The following PLXDC2 variants were observed in gnomAD, a reference collection of about 807,000 sequenced individuals.
The protein encoded by PLXDC2 is plexin domain-containing protein 2.
A neutral mutation model predicts 68.9 loss-of-function variants in PLXDC2; 40 were observed. The ratio of observed to expected loss-of-function variants is 0.58; its 90% confidence interval spans 0.45 to 0.76. The LOEUF (loss-of-function observed/expected upper bound fraction) is 0.76, where lower values mean the gene tolerates loss of function less well. Among genes scored for constraint, PLXDC2 ranks in the 30% least tolerant of loss-of-function variants. The pLI is 0.00. For missense variants in PLXDC2, 644 were observed against 661.9 expected (o/e 0.97, Z 0.30); for synonymous variants, 243 against 234.2 (o/e 1.04, Z -0.34).
intron 1 of PLXDC2, among the ~76,000 whole-genome samples, chr10:19,959,091 G>C (rs1213839517): frequency 6.6e-6 from 1 of 152,130 alleles, no homozygotes; most frequent in Non-Finnish European, 1.5e-5. Context: ...GCTAAATTTG[G>C]ACTGTCATTT....
chr10:19,994,292 C>A (rs1589575377), intron 1 of PLXDC2, among the ~76,000 whole-genome samples: 2 of 86,084 alleles, frequency 2.3e-5, no homozygotes, highest in African/African-American at 4.0e-5. Context: ...TTTTCTCTGA[C>A]TACTTGGAAA....
chr10:19,842,682 G>A (rs754291652), intron 1 of PLXDC2, among the ~76,000 whole-genome samples: 3 of 152,114 alleles, frequency 2.0e-5, no homozygotes, highest in African/African-American at 4.8e-5. Flanking sequence ...TATCTTGCTC[G>A]GAGAAGGTGA....
intron 13 of PLXDC2, among the ~76,000 whole-genome samples, chr10:20,252,903 G>T (rs907883921): frequency 2.6e-5 from 4 of 151,942 alleles, no homozygotes; most frequent in East Asian, 3.9e-4. Flanking sequence ...TTTTTTGATC[G>T]CTTGAGCTCA....
rs530223198 is a variant in PLXDC2 at position 20,030,447 on chromosome 10, A to T, written c.325-16422A>T. Among the ~76,000 whole-genome samples, 15 of 152,310 alleles carry T rather than the reference A, an allele frequency of 9.8e-5. No individual in the cohort carries two copies. In the South Asian group the frequency reaches 3.1e-3, roughly 32 times the overall value. On this transcript the variant is annotated intron_variant, in intron 2 of 13. Coordinates refer to ENST00000377252, the MANE Select transcript of PLXDC2 (RefSeq NM_032812.9). Reference sequence around the variant, plus strand: ...TACCCTTCTTAGATTCTGTCACTTTATGATGTGAACAAAATCCTCTGAAAA... The same window carrying T: ...TACCCTTCTTAGATTCTGTCACTTTTTGATGTGAACAAAATCCTCTGAAAA...
At chr10:19,980,554 T>G (rs563983414) in intron 1 of PLXDC2, among the ~76,000 whole-genome samples, 1 of 152,326 alleles carries the variant, frequency 6.6e-6, no homozygotes, top group Non-Finnish European at 1.5e-5. Flanking sequence ...TGCTATGTTC[T>G]CACATGGCAT....
intron 9 of PLXDC2, among the ~76,000 whole-genome samples, chr10:20,199,927 T>C (rs1009923456): frequency 3.9e-5 from 6 of 151,988 alleles, no homozygotes; most frequent in African/African-American, 1.4e-4. Context: ...ATTTGGTTCT[T>C]ACTTTTCACC....
chr10:20,091,109 C>G (rs1018692963), intron 4 of PLXDC2, among the ~76,000 whole-genome samples: 3 of 152,140 alleles, frequency 2.0e-5, no homozygotes, highest in Admixed American at 6.5e-5. Flanking sequence ...CAGCCTAGAA[C>G]TCTATAGGAA....
intron 4 of PLXDC2, among the ~76,000 whole-genome samples, chr10:20,086,646 G>C (rs986425319): frequency 1.3e-5 from 2 of 152,060 alleles, no homozygotes; most frequent in African/African-American, 4.8e-5. Flanking sequence ...TTGCCATTTG[G>C]ATAATATCTA....
intron 1 of PLXDC2, among the ~76,000 whole-genome samples, chr10:19,973,544 T>A (rs1039932795): frequency 1.3e-5 from 2 of 152,128 alleles, no homozygotes; most frequent in Non-Finnish European, 2.9e-5. Context: ...GAAGTTAAAA[T>A]CTGTAAGTAG....
At chr10:20,165,432 C>A (rs1834361625) in intron 7 of PLXDC2, among the ~76,000 whole-genome samples, 1 of 152,066 alleles carries the variant, frequency 6.6e-6, no homozygotes, top group African/African-American at 2.4e-5. Context: ...TCCCCTTTCC[C>A]CCCACCCCAC....
At chr10:20,131,947 T>A (rs1833873309) in intron 4 of PLXDC2, among the ~76,000 whole-genome samples, 1 of 151,798 alleles carries the variant, frequency 6.6e-6, no homozygotes, top group Non-Finnish European at 1.5e-5. Context: ...GTTGCTTTTA[T>A]GAAATCTTTC....
At chr10:19,966,913 A>T (rs536062417) in intron 1 of PLXDC2, among the ~76,000 whole-genome samples, 1 of 152,294 alleles carries the variant, frequency 6.6e-6, no homozygotes, top group African/African-American at 2.4e-5. Flanking sequence ...CAGTGTGATT[A>T]TCACAGCTGG....
In PLXDC2 at chr10:19,947,177, A is replaced by G. The variant is rs1390781854; in HGVS notation, c.113-54598A>G. Among the ~76,000 whole-genome samples, 3 of 152,206 alleles carry G rather than the reference A, an allele frequency of 2.0e-5. No individual in the cohort carries two copies. In the East Asian group the frequency reaches 5.8e-4, roughly 29 times the overall value. On this transcript the variant is annotated intron_variant, in intron 1 of 13. Transcript: ENST00000377252. ...AAAGACAGCAACAACAAAAAATTGA[A>G]TTATTCCCTAGAGCCTGTAGAAAAA...
intron 11 of PLXDC2, 25 bp downstream of exon 11, chr10:20,217,601 T>C (rs1447746024): frequency 2.8e-6 from 3 of 1,060,862 alleles, no homozygotes; most frequent in South Asian, 2.3e-5. Context: ...GTTTGCTTTT[T>C]TTTTTTTTTT....
intron 4 of PLXDC2, among the ~76,000 whole-genome samples, chr10:20,094,895 C>CA (rs1182595144): frequency 6.6e-6 from 1 of 152,114 alleles, no homozygotes; most frequent in Non-Finnish European, 1.5e-5. Flanking sequence ...TTTATTTCTT[C>CA]ATTGATTCAA....
chr10:20,234,608 GA>G (rs370294408), intron 12 of PLXDC2, among the ~76,000 whole-genome samples: 1 of 150,104 alleles, frequency 6.7e-6, no homozygotes, highest in African/African-American at 2.4e-5. Flanking sequence ...AAACTAAAAT[GA>G]AATTCAAAGC....
At chr10:20,024,177 A>G (rs1835358292) in intron 2 of PLXDC2, among the ~76,000 whole-genome samples, 1 of 152,146 alleles carries the variant, frequency 6.6e-6, no homozygotes, top group African/African-American at 2.4e-5. Context: ...TTTAAAAACT[A>G]TTGTTGGTGT....
At chr10:20,158,107 G>T (rs1318667255) in intron 6 of PLXDC2, among the ~76,000 whole-genome samples, 2 of 151,912 alleles carry the variant, frequency 1.3e-5, no homozygotes, top group African/African-American at 2.4e-5. Flanking sequence ...TATTATTTCA[G>T]TTTGGCTTCC....
intron 13 of PLXDC2, among the ~76,000 whole-genome samples, chr10:20,276,339 G>A (rs1167315996): frequency 6.6e-6 from 1 of 152,148 alleles, no homozygotes; most frequent in Non-Finnish European, 1.5e-5. Flanking sequence ...CTCCGGGTTT[G>A]TTTGTGGATA....
Sources: allele counts gnomAD v4.1 joint callset (sites outside exome capture counted in the v4.1 genomes callset), GRCh38; gene constraint gnomAD v4.1.1; transcripts MANE v1.5; gene names NCBI Gene and HGNC (gene_info 2026-07-23, HGNC 2026-07-21).